FBXL7: variants seen among roughly 807,000 people sequenced by gnomAD.
FBXL7 encodes F-box/LRR-repeat protein 7.
A neutral mutation model predicts 38.3 loss-of-function variants in FBXL7; 12 were observed. The ratio of observed to expected loss-of-function variants is 0.31; its 90% CI spans 0.20 to 0.51. The LOEUF is 0.51. Among genes scored for constraint, FBXL7 ranks in the 20% least tolerant of loss-of-function variants. The probability of loss-of-function intolerance (pLI) is 0.98; values close to 1 mark genes in which losing one functional copy is unlikely to be tolerated. For missense variants in FBXL7, 567 were observed against 676.4 expected (o/e 0.84, Z 1.79); for synonymous variants, 297 against 300.9 (o/e 0.99, Z 0.13).
chr5:15,817,634 A>C (rs916020193), intron 2 of FBXL7, among the ~76,000 whole-genome samples: 1 of 152,094 alleles, frequency 6.6e-6, no homozygotes, highest in Non-Finnish European at 1.5e-5. Context: ...TGCTGCTCTC[A>C]TAACAGTGAA....
At chr5:15,793,623 A>G (rs533567968) in intron 2 of FBXL7, among the ~76,000 whole-genome samples, 2 of 152,344 alleles carry the variant, frequency 1.3e-5, no homozygotes, top group Admixed American at 6.5e-5. Flanking sequence ...GGGTAGGAAC[A>G]CAAAAGCCCT....
intron 1 of FBXL7, among the ~76,000 whole-genome samples, chr5:15,528,895 A>G (rs935917782): frequency 6.6e-6 from 1 of 152,236 alleles, no homozygotes; most frequent in Non-Finnish European, 1.5e-5. Flanking sequence ...AATCAAGCTA[A>G]TAAACGTGCA....
At chr5:15,715,074 C>T (rs931462806) in intron 2 of FBXL7, among the ~76,000 whole-genome samples, 8 of 152,082 alleles carry the variant, frequency 5.3e-5, no homozygotes, top group Admixed American at 5.2e-4. Flanking sequence ...GATGTCTGAC[C>T]TCCAGAACTG....
At chr5:15,871,768 G>T (rs968798228) in intron 2 of FBXL7, among the ~76,000 whole-genome samples, 2 of 152,080 alleles carry the variant, frequency 1.3e-5, no homozygotes, top group Admixed American at 1.3e-4. Context: ...GAAGGAAAAA[G>T]CCTCCAGGAA....
Position 15,622,309 on chromosome 5 carries a change from T to C in FBXL7, c.127+6237T>C, listed in dbSNP as rs1027410123. On this transcript the variant is annotated intron_variant, in intron 2 of 3. Transcript: ENST00000504595. ...TTATTTATATATTTTTATTATACTT[T>C]AAGTTCTAGGGTACGTGTGCACAAT... Among the ~76,000 whole-genome samples, 9 of 152,072 alleles carry C rather than the reference T, an allele frequency of 5.9e-5. No homozygotes were observed. In the East Asian group the frequency reaches 1.7e-3, roughly 29 times the overall value.
At chr5:15,824,757 T>C (rs1738265876) in intron 2 of FBXL7, among the ~76,000 whole-genome samples, 1 of 152,184 alleles carries the variant, frequency 6.6e-6, no homozygotes, top group Admixed American at 6.5e-5. Flanking sequence ...CTGGATGTTT[T>C]TTACACTAGA....
intron 2 of FBXL7, among the ~76,000 whole-genome samples, chr5:15,681,783 T>A (rs1054973616): frequency 2.6e-5 from 4 of 152,238 alleles, no homozygotes; most frequent in Non-Finnish European, 4.4e-5. Context: ...TTTTTGTTTA[T>A]CTCATTTGTA....
At chr5:15,890,263 T>G (rs963424942) in intron 2 of FBXL7, among the ~76,000 whole-genome samples, 2 of 151,774 alleles carry the variant, frequency 1.3e-5, no homozygotes, top group African/African-American at 2.4e-5. Context: ...TGTTTTTTTG[T>G]TTTTTTTAAG....
chr5:15,900,430 G>A lies in FBXL7; in HGVS notation c.128-27460G>A, dbSNP rs934204339. On this transcript the variant is annotated intron_variant, in intron 2 of 3. Transcript: ENST00000504595. ...TGTTGGGGTCTGTAGGGATCTGTTC[G>A]TGGTGCCACTAGCCAAGCCAGCCAT... Among the ~76,000 whole-genome samples the A allele has an allele frequency of 6.6e-5, 10 of 152,124 alleles. No homozygotes were observed. In the East Asian group the frequency reaches 9.7e-4, roughly 15 times the overall value.
intron 2 of FBXL7, among the ~76,000 whole-genome samples, chr5:15,644,907 G>A (rs1741483074): frequency 6.6e-6 from 1 of 152,180 alleles, no homozygotes; most frequent in South Asian, 2.1e-4. Flanking sequence ...GCAAAAGACA[G>A]TGGAAGCCCA....
chr5:15,685,536 A>G (rs1298737172), intron 2 of FBXL7, among the ~76,000 whole-genome samples: 1 of 152,192 alleles, frequency 6.6e-6, no homozygotes, highest in Non-Finnish European at 1.5e-5. Flanking sequence ...AAATATGTGT[A>G]GGGGATGGTG....
intron 2 of FBXL7, among the ~76,000 whole-genome samples, chr5:15,619,102 T>G (rs959725608): frequency 6.6e-6 from 1 of 152,160 alleles, no homozygotes; most frequent in Non-Finnish European, 1.5e-5. Context: ...CGGAGCCCTC[T>G]TTACCCTTAG....
chr5:15,815,574 G>A (rs1428215058), intron 2 of FBXL7, among the ~76,000 whole-genome samples: 2 of 152,044 alleles, frequency 1.3e-5, no homozygotes, highest in Non-Finnish European at 2.9e-5. Flanking sequence ...GATTATTTCT[G>A]GAACATTAAA....
intron 2 of FBXL7, among the ~76,000 whole-genome samples, chr5:15,710,625 G>T (rs1231564725): frequency 6.6e-6 from 1 of 152,110 alleles, no homozygotes; most frequent in Admixed American, 6.5e-5. Flanking sequence ...CATGCATTTT[G>T]TTTTGTGTGC....
intron 2 of FBXL7, among the ~76,000 whole-genome samples, chr5:15,717,198 G>C (rs1245825826): frequency 6.6e-6 from 1 of 152,136 alleles, no homozygotes; most frequent in Non-Finnish European, 1.5e-5. Context: ...CATTTGCCAG[G>C]CCTCAGTGAG....
intron 2 of FBXL7, among the ~76,000 whole-genome samples, chr5:15,866,871 A>G (rs967318944): frequency 6.6e-6 from 1 of 152,114 alleles, no homozygotes; most frequent in Non-Finnish European, 1.5e-5. Flanking sequence ...ATAGTCTTCC[A>G]TGGTGTATAT....
At chr5:15,688,220 A>T (rs961756611) in intron 2 of FBXL7, among the ~76,000 whole-genome samples, 6 of 152,186 alleles carry the variant, frequency 3.9e-5, no homozygotes, top group African/African-American at 1.4e-4. Context: ...AGGGGACACG[A>T]CCAGACATTT....
chr5:15,576,755 G>T (rs971836043), intron 1 of FBXL7, among the ~76,000 whole-genome samples: 1 of 151,894 alleles, frequency 6.6e-6, no homozygotes, highest in African/African-American at 2.4e-5. Flanking sequence ...GTAGTTGGCC[G>T]CCTGAGGTTT....
intron 2 of FBXL7, among the ~76,000 whole-genome samples, chr5:15,738,837 T>C (rs1735823201): frequency 6.6e-6 from 1 of 152,220 alleles, no homozygotes. Context: ...CAACTAACAA[T>C]GCTCTGTTCA....
Sources: allele counts gnomAD v4.1 joint callset (sites outside exome capture counted in the v4.1 genomes callset), GRCh38; gene constraint gnomAD v4.1.1; transcripts MANE v1.5; gene names NCBI Gene and HGNC (gene_info 2026-07-23, HGNC 2026-07-21).